UBE3D: variants seen among roughly 807,000 people sequenced by gnomAD.
UBE3D encodes ubiquitin protein ligase E3D.
A neutral mutation model predicts 49.6 loss-of-function variants in UBE3D; 48 were observed. The ratio of observed to expected loss-of-function variants is 0.97; its 90% CI spans 0.77 to 1.23. The LOEUF (loss-of-function observed/expected upper bound fraction) is 1.23. Ranked by LOEUF, UBE3D falls within the 50% of genes most tolerant of loss-of-function variation. The pLI is 0.00. For missense variants in UBE3D, 452 were observed against 468.4 expected (o/e 0.96, Z 0.32); for synonymous variants, 189 against 174.2 (o/e 1.08, Z -0.67).
At chr6:82,902,851 G>A (rs1771837082) in intron 9 of UBE3D, among the ~76,000 whole-genome samples, 2 of 152,110 alleles carry the variant, frequency 1.3e-5, no homozygotes, top group South Asian at 4.1e-4. Flanking sequence ...TGCCAAGCAT[G>A]GTACCATCTC....
intron 8 of UBE3D, among the ~76,000 whole-genome samples, chr6:82,992,042 C>T (rs1778921485): frequency 1.3e-5 from 2 of 151,904 alleles, no homozygotes; most frequent in Admixed American, 1.3e-4. Flanking sequence ...GTTTTTATTA[C>T]ATTTTCTTTT....
chr6:82,966,064 G>T (rs1165288079), intron 8 of UBE3D, among the ~76,000 whole-genome samples: 1 of 151,968 alleles, frequency 6.6e-6, no homozygotes, highest in Admixed American at 6.6e-5. Flanking sequence ...ATCCTCAACC[G>T]CCTCATTATT....
chr6:82,928,800 T>C (rs1773933118), intron 9 of UBE3D, among the ~76,000 whole-genome samples: 2 of 152,190 alleles, frequency 1.3e-5, no homozygotes, highest in Admixed American at 1.3e-4. Flanking sequence ...TCTCTGTCCA[T>C]ATGGTAAGTT....
At chr6:82,983,881 T>C (rs921668694) in intron 8 of UBE3D, among the ~76,000 whole-genome samples, 2 of 152,202 alleles carry the variant, frequency 1.3e-5, no homozygotes, top group Non-Finnish European at 2.9e-5. Flanking sequence ...CTTGGAGCAC[T>C]TCTTTGTGTG....
At chr6:82,952,938 G>A (rs927909149) in intron 9 of UBE3D, among the ~76,000 whole-genome samples, 1 of 152,148 alleles carries the variant, frequency 6.6e-6, no homozygotes, top group Non-Finnish European at 1.5e-5. Context: ...ATACATAGTT[G>A]CCATTAAAAC....
chr6:82,987,567 T>C (rs1778608147), intron 8 of UBE3D, among the ~76,000 whole-genome samples: 2 of 152,212 alleles, frequency 1.3e-5, no homozygotes, highest in African/African-American at 2.4e-5. Flanking sequence ...AAACATCGAA[T>C]TGGCAAAATT....
At chr6:82,893,809 A>G (rs906211004) in intron 9 of UBE3D, among the ~76,000 whole-genome samples, 1 of 152,182 alleles carries the variant, frequency 6.6e-6, no homozygotes, top group Non-Finnish European at 1.5e-5. Flanking sequence ...AGTATGGGAC[A>G]TCTGTCAATT....
intron 8 of UBE3D, among the ~76,000 whole-genome samples, chr6:82,968,910 C>T (rs1394212797): frequency 6.6e-6 from 1 of 152,108 alleles, no homozygotes; most frequent in Non-Finnish European, 1.5e-5. Flanking sequence ...CTTCATTGCA[C>T]AACTTCAGGA....
intron 7 of UBE3D, among the ~76,000 whole-genome samples, chr6:83,021,588 T>A (rs112961914): frequency 1.3e-5 from 2 of 151,544 alleles, no homozygotes; most frequent in South Asian, 4.2e-4. Flanking sequence ...TGATTTTGGC[T>A]GGGCGTGGTG....
chr6:82,922,398 G>A (rs1184019981), intron 9 of UBE3D, among the ~76,000 whole-genome samples: 1 of 152,070 alleles, frequency 6.6e-6, no homozygotes, highest in Admixed American at 6.5e-5. Context: ...TCATTTTATG[G>A]GGCTATTGAA....
At chr6:82,884,372 A>G in the UBE3D span, among the ~76,000 whole-genome samples, 2 of 152,314 alleles carry the variant, frequency 1.3e-5, no homozygotes, top group South Asian at 4.1e-4. Flanking sequence ...TGCTGGAGAA[A>G]AAAAGGAATA....
chr6:83,029,059 C>A (rs1172662741), intron 5 of UBE3D, among the ~76,000 whole-genome samples: 5 of 152,178 alleles, frequency 3.3e-5, no homozygotes, highest in Non-Finnish European at 5.9e-5. Context: ...AATCTTTCAA[C>A]AGATTGACGA....
intron 9 of UBE3D, among the ~76,000 whole-genome samples, chr6:82,914,382 G>A (rs962357538): frequency 7.9e-5 from 12 of 152,132 alleles, no homozygotes; most frequent in African/African-American, 2.9e-4. Flanking sequence ...AAAGGTGTCA[G>A]TGAGCAAAAC....
chr6:82,981,777 T>TA (rs945624795), intron 8 of UBE3D, among the ~76,000 whole-genome samples: 4 of 151,526 alleles, frequency 2.6e-5, no homozygotes, highest in East Asian at 1.9e-4. Flanking sequence ...AGAAGAACCT[T>TA]AAAAAAAAAT....
intron 9 of UBE3D, among the ~76,000 whole-genome samples, chr6:82,899,870 C>T (rs185745742): frequency 9.0e-4 from 135 of 149,440 alleles, no homozygotes; most frequent in Non-Finnish European, 1.4e-3. Context: ...GAGAGCAAAC[C>T]GATGGGGCCA....
At chr6:82,953,827 A>G (rs1255260590) in intron 9 of UBE3D, among the ~76,000 whole-genome samples, 1 of 152,242 alleles carries the variant, frequency 6.6e-6, no homozygotes, top group Non-Finnish European at 1.5e-5. Flanking sequence ...TAAACAAGGT[A>G]AGATTACAGA....
intron 9 of UBE3D, among the ~76,000 whole-genome samples, chr6:82,906,018 A>C (rs1226956089): frequency 6.6e-6 from 1 of 152,182 alleles, no homozygotes. Flanking sequence ...ATATCTTTAA[A>C]AGAGAAAGAC....
At chr6:82,941,777 C>T (rs540098722) in intron 9 of UBE3D, among the ~76,000 whole-genome samples, 20 of 152,238 alleles carry the variant, frequency 1.3e-4, no homozygotes, top group African/African-American at 4.8e-4. Context: ...GGCATTTCCC[C>T]TGTTGGCACT....
intron 9 of UBE3D, among the ~76,000 whole-genome samples, chr6:82,952,352 A>C (rs1775863050): frequency 6.6e-6 from 1 of 152,016 alleles, no homozygotes; most frequent in Admixed American, 6.6e-5. Context: ...CCAATCACTG[A>C]GAACGGTACC....
Sources: gnomAD v4.1 joint callset for allele counts (sites outside exome capture counted in the v4.1 genomes callset) on GRCh38, gnomAD v4.1.1 for gene constraint, MANE v1.5 for transcripts, NCBI Gene and HGNC (gene_info 2026-07-23, HGNC 2026-07-21) for gene names.